PPP6R1: variants seen among roughly 807,000 people sequenced by gnomAD.
PPP6R1 encodes protein phosphatase 6 regulatory subunit 1.
PPP6R1 carries 39 observed loss-of-function variants against 104.6 expected under a neutral mutation model. The ratio of observed to expected loss-of-function variants is 0.37; its 90% CI spans 0.29 to 0.49. The LOEUF (loss-of-function observed/expected upper bound fraction) is 0.49. PPP6R1 is among the 20% of genes least tolerant of loss of function. PPP6R1 has a pLI of 0.98. For missense variants in PPP6R1, 1,181 were observed against 1,155.8 expected (o/e 1.02, Z -0.32); for synonymous variants, 549 against 479.0 (o/e 1.15, Z -1.91).
At chr19:55,256,964 C>T (rs2087598111) in intron 1 of PPP6R1, among the ~76,000 whole-genome samples, 1 of 151,758 alleles carries the variant, frequency 6.6e-6, no homozygotes, top group Non-Finnish European at 1.5e-5. Flanking sequence ...CGAGGAACAA[C>T]TTGTCCAAGG....
chr19:55,236,326 T>C (rs955145930), intron 17 of PPP6R1: 3 of 283,950 alleles, frequency 1.1e-5, no homozygotes, highest in Admixed American at 4.8e-5. Context: ...ATCTAACTTT[T>C]GTATTTTTTG....
At position 55,247,746 on chromosome 19, in the gene PPP6R1, G is replaced by A. The variant is rs189936972; in HGVS notation, c.-6-637C>T. On this transcript the variant is annotated intron_variant, in intron 1 of 23. Transcript: ENST00000412770. Reference sequence around the variant, plus strand: ...GTCTGTGCATCTCCAGGCTGTGGCCGTTGCCTGGACACCACTCACACACAA... The same window carrying A: ...GTCTGTGCATCTCCAGGCTGTGGCCATTGCCTGGACACCACTCACACACAA... Among the ~76,000 whole-genome samples, 1,130 of 152,258 alleles carry A rather than the reference G, an allele frequency of 7.4e-3. 12 individuals are homozygous for A. The highest frequency in any genetic ancestry group is 0.024 in the African/African-American group (979 of 41,542).
rs377183170 is a variant in PPP6R1, at chr19:55,243,242, A to G, written c.619-754T>C. 7.5e-3 allele frequency among the ~76,000 whole-genome samples: 1,146 copies of G among 151,904 alleles called. 9 individuals carry two copies. Among genetic ancestry groups the G allele is most frequent in the Non-Finnish European group, 0.013 (881 of 67,920 alleles). ...AGCCTGGCCAACATGGTGAAACCCC[A>G]TCTCTACTAAAAATAAAAAAATTAG... On this transcript the variant is annotated intron_variant, in intron 5 of 23. Transcript: ENST00000412770.
intron 1 of PPP6R1, among the ~76,000 whole-genome samples, chr19:55,252,589 A>T (rs1028533069): frequency 2.0e-5 from 3 of 151,950 alleles, no homozygotes; most frequent in African/African-American, 4.8e-5. Context: ...TTTAGTAAAG[A>T]CGGGGTTTCA....
At position 55,234,013 on chromosome 19, in the gene PPP6R1, G is replaced by A. The variant is rs534470481; in HGVS notation, c.1989-1802C>T. On this transcript the variant is annotated intron_variant, in intron 17 of 23. Transcript: ENST00000412770. ...CAGACTGGAGTGCAATGAATGGTGC[G>A]ATCTCAGCTCACTGCAACCTCTGCC... Among the ~76,000 whole-genome samples, 11 of 152,182 alleles carry A rather than the reference G, an allele frequency of 7.2e-5. No individual in the cohort carries two copies. The South Asian group carries it at 8.3e-4, about 11-fold the overall frequency.
At chr19:55,250,100 G>T (rs532549174) in intron 1 of PPP6R1, among the ~76,000 whole-genome samples, 1 of 152,196 alleles carries the variant, frequency 6.6e-6, no homozygotes. Flanking sequence ...GGATATCCAG[G>T]AGGCCCTGCG....
At chr19:55,228,520 C>T, downstream of PPP6R1, 4 of 1,567,948 alleles carry the variant, frequency 2.6e-6, no homozygotes, top group Non-Finnish European at 3.4e-6. Context: ...CCTGTCCCAC[C>T]CCCACCTGGG....
At chr19:55,242,300 G>A in intron 6 of PPP6R1, 21 bp from the exon 7 acceptor site, 1 of 1,613,556 alleles carries the variant, frequency 6.2e-7, no homozygotes, top group Non-Finnish European at 8.5e-7. Flanking sequence ...AGGGGCAGGG[G>A]TCAGGGTGAG....
chr19:55,246,943 A>G lies in PPP6R1; in HGVS notation c.161T>C (p.Leu54Pro). The change falls in exon 2 of 24, where the codon CTG becomes CCG. Residue 54 changes from leucine (L) to proline (P), a missense_variant. Around this residue, in one of 2 missense-constraint regions of PPP6R1, gnomAD observed 139 missense variants for 200.1 expected, o/e 0.69. Coordinates refer to ENST00000412770, the MANE Select transcript of PPP6R1 (RefSeq NM_014931.4). ...GGTGACCCAGGCCACCATTGCTTGCAGGTGGGGTGGCTGCAGCAGGAAGTC... is the reference window on the plus strand; with the variant it reads ...GGTGACCCAGGCCACCATTGCTTGCGGGTGGGGTGGCTGCAGCAGGAAGTC... ...LLDFLLQPPH[L>P]QAMVAWVTQE... 6.2e-7 allele frequency: 1 copy of G among 1,613,744 alleles called. No individual in the cohort carries two copies. The highest frequency in any genetic ancestry group is 8.5e-7 in the Non-Finnish European group (1 of 1,179,810).
rs1281283031 is a variant in PPP6R1, at chr19:55,241,368, C to G, written c.1032G>C (p.Trp344Cys). 1 of 1,611,112 alleles carries G rather than the reference C, an allele frequency of 6.2e-7. No homozygotes were observed. ...PPKLEPLQMT[W>C]GMLAPPLGNT... ...TGCCCAGAGGCGGAGCCAGCATGCC[C>G]CATGTCATCTGTAGCGGCTCCAGCT... Residue 344 changes from tryptophan to cysteine, a missense_variant, in exon 9 of 24, where the codon TGG (tryptophan) becomes TGC (cysteine). Trp to Cys is a radical substitution (Grantham distance 215). This residue lies in a region of PPP6R1 where 1,042 missense variants were observed against 955.6 expected (regional missense o/e 1.09). Transcript: ENST00000412770. This position sits in a 1 kb window ranked among gnomAD's most constrained non-coding sequence, Gnocchi z 5.4.
At chr19:55,250,020 A>C (rs1474502401) in intron 1 of PPP6R1, among the ~76,000 whole-genome samples, 1 of 152,086 alleles carries the variant, frequency 6.6e-6, no homozygotes, top group African/African-American at 2.4e-5. Context: ...CCACCTCGCC[A>C]GTGCTCCTGG....
In PPP6R1 at chr19:55,230,214, T is replaced by A; in HGVS notation, c.*314A>T. 2.7e-6 allele frequency: 1 copy of A among 375,060 alleles called. No individual in the cohort carries two copies. The highest frequency in any genetic ancestry group is 4.9e-6 in the Non-Finnish European group (1 of 205,472). The allele number at this position is 375,060 out of a possible 1,614,324, so 23.2% of individuals were successfully genotyped here. ...CTTTGGAGCCGCCAGCCCAGTTCGG[T>A]GTCCTCACTCTCTCTCGCTCTCCTC... On this transcript the variant is annotated 3_prime_UTR_variant, in exon 24 of 24. Coordinates refer to ENST00000412770, the MANE Select transcript of PPP6R1 (RefSeq NM_014931.4).
chr19:55,258,115 G>T (rs1041988295), intron 1 of PPP6R1, among the ~76,000 whole-genome samples: 1 of 152,252 alleles, frequency 6.6e-6, no homozygotes, highest in Non-Finnish European at 1.5e-5. Context: ...CGGGGAACCG[G>T]CCAGAGAGGC....
downstream of PPP6R1, chr19:55,228,985 C>T: frequency 2.0e-6 from 1 of 502,766 alleles, no homozygotes; most frequent in Non-Finnish European, 3.6e-6. Flanking sequence ...CTCCTCCTAT[C>T]TGCCTGGGGA....
In PPP6R1 at chr19:55,241,578, C is replaced by A; in HGVS notation, c.907G>T (p.Ala303Ser). The stretch of plus-strand genomic sequence containing the variant: ...ACAGTGCTTTCCAGGGCCCCCTGGG[C>A]CAGGAGCTCCAGCTGCCCATCCACA... ...SSVDGQLELL[A>S]QGALESTVSS... The change falls in exon 8 of 24, where the codon GCC becomes TCC. Residue 303 changes from alanine (A) to serine (S), a missense_variant. Around this residue, in one of 2 missense-constraint regions of PPP6R1, gnomAD observed 1,042 missense variants for 955.6 expected, o/e 1.09. Transcript: ENST00000412770. The surrounding 1 kb of genome is among the most constrained non-coding windows in gnomAD (Gnocchi z 5.4). 1.9e-6 allele frequency: 3 copies of A among 1,583,952 alleles called. No homozygotes were observed. Among genetic ancestry groups the A allele is most frequent in the Non-Finnish European group, 2.6e-6 (3 of 1,166,420 alleles).
intron 17 of PPP6R1, among the ~76,000 whole-genome samples, chr19:55,235,788 G>A (rs989660656): frequency 6.6e-6 from 1 of 151,372 alleles, no homozygotes; most frequent in Admixed American, 6.6e-5. Context: ...AAAGTGCTGG[G>A]ATTACAGGCG....
Position 55,230,356 on chromosome 19 carries a change from G to A in PPP6R1, c.*172C>T, listed in dbSNP as rs1398047324. On this transcript the variant is annotated 3_prime_UTR_variant, in exon 24 of 24. Coordinates refer to ENST00000412770, the MANE Select transcript of PPP6R1 (RefSeq NM_014931.4). ...AAACTTCTCTTCTCAGTGCAAATGG[G>A]GGTGGGTTGGGCCTGTCTCCCTGGC... 15 of 860,228 alleles carry A rather than the reference G, an allele frequency of 1.7e-5. No homozygotes were observed. The highest frequency in any genetic ancestry group is 2.5e-5 in the Non-Finnish European group (14 of 558,364). The allele number at this position is 860,228 out of a possible 1,614,324, so 53.3% of individuals were successfully genotyped here. A position where few individuals can be genotyped will look rare whatever the true frequency, so the allele number is the denominator to read the frequency against.
At chr19:55,250,416 T>C (rs1555885932) in intron 1 of PPP6R1, among the ~76,000 whole-genome samples, 1 of 152,064 alleles carries the variant, frequency 6.6e-6, no homozygotes, top group Non-Finnish European at 1.5e-5. Flanking sequence ...AGTGGACACT[T>C]AAGGGATGAA....
At chr19:55,230,746 C>A (rs748608121) in intron 22 of PPP6R1, 28 bp downstream of exon 22, 6 of 1,455,098 alleles carry the variant, frequency 4.1e-6, no homozygotes, top group African/African-American at 1.4e-5. Context: ...CCACCCCCAC[C>A]CCCCCGCCCT....
Sources: allele counts gnomAD v4.1 joint callset (sites outside exome capture counted in the v4.1 genomes callset), GRCh38; gene constraint gnomAD v4.1.1; regional missense constraint gnomAD v4.1.1; non-coding constraint Gnocchi (gnomAD v3.1); transcripts MANE v1.5; gene names NCBI Gene and HGNC (gene_info 2026-07-23, HGNC 2026-07-21).